Variants in MRPS6 observed in about 807,000 individuals in gnomAD.
The protein encoded by MRPS6 is mitochondrial ribosomal protein S6.
A neutral mutation model predicts 13.1 loss-of-function variants in MRPS6; 6 were observed. The ratio of observed to expected loss-of-function variants is 0.46; its 90% CI spans 0.25 to 0.91. MRPS6 has a LOEUF of 0.91. Among genes scored for constraint, MRPS6 ranks in the 40% least tolerant of loss-of-function variants. MRPS6 has a pLI of 0.18. For synonymous variants in MRPS6, 61 were observed against 56.5 expected (o/e 1.08, Z -0.36); for missense variants, 164 against 155.6 (o/e 1.05, Z -0.29).
intron 1 of MRPS6, among the ~76,000 whole-genome samples, chr21:34,109,945 T>C (rs996951439): frequency 3.3e-5 from 5 of 152,106 alleles, no homozygotes; most frequent in African/African-American, 9.7e-5. Flanking sequence ...GGTTTTCAGG[T>C]GGGAGCATAA....
chr21:34,105,129 T>TGGTATG (rs1331993497), intron 1 of MRPS6: 1 of 1,000,116 alleles, frequency 1.0e-6, no homozygotes, highest in Non-Finnish European at 1.2e-6. Flanking sequence ...TGTCAGATGA[T>TGGTATG]GGTATGGAAT....
At chr21:34,098,072 C>T (rs1360640516) in intron 1 of MRPS6, 1 of 999,044 alleles carries the variant, frequency 1.0e-6, no homozygotes, top group Non-Finnish European at 1.2e-6. Context: ...AGTTACATGT[C>T]ATGATTGTGT....
chr21:34,102,789 A>G, intron 1 of MRPS6: 1 of 1,000,142 alleles, frequency 1.0e-6, no homozygotes, highest in Non-Finnish European at 1.2e-6. Context: ...AAGCACTATA[A>G]CATAATTGTT....
intron 1 of MRPS6, among the ~76,000 whole-genome samples, chr21:34,086,811 CA>C (rs1052742003): frequency 0.17 from 48 of 278 alleles, 1 homozygote; most frequent in East Asian, 0.42. Flanking sequence ...ACTCTGAACT[CA>C]AGTTGTAATG....
chr21:34,100,414 C>G (rs2148661115), intron 1 of MRPS6: 1 of 1,000,184 alleles, frequency 1.0e-6, no homozygotes, highest in Non-Finnish European at 1.2e-6. Context: ...CCCAGCTATT[C>G]TTTCCTGGGG....
Position 34,142,812 on chromosome 21 carries a change from G to T in MRPS6, c.*212G>T. On this transcript the variant is annotated 3_prime_UTR_variant, in exon 3 of 3. Transcript: ENST00000399312. ...CTTCTCTGTAACCTGCAGTACCAGTGGATCGTTCTTGATTTTGTTTTCATT... is the reference window on the plus strand; with the variant it reads ...CTTCTCTGTAACCTGCAGTACCAGTTGATCGTTCTTGATTTTGTTTTCATT... 1 of 448,762 alleles carries T rather than the reference G, an allele frequency of 2.2e-6. No homozygotes were observed. The highest frequency in any genetic ancestry group is 2.0e-5 in the African/African-American group (1 of 49,500). 27.8% of individuals were successfully genotyped at this position (448,762 alleles called of 1,614,324 possible).
Position 34,098,364 on chromosome 21 carries a change from A to C in MRPS6, c.45+24619A>C, listed in dbSNP as rs879456962. ...AATTGACGCTGCCTTTGTGTGCTGGATTGCTCTACTTGATTAGATCATGAT... is the reference window on the plus strand; with the variant it reads ...AATTGACGCTGCCTTTGTGTGCTGGCTTGCTCTACTTGATTAGATCATGAT... On this transcript the variant is annotated intron_variant, in intron 1 of 2. Coordinates refer to ENST00000399312, the MANE Select transcript of MRPS6 (RefSeq NM_032476.4). 1.6e-5 allele frequency: 16 copies of C among 1,000,156 alleles called. No individual in the cohort carries two copies. In the South Asian group the frequency reaches 6.1e-4, roughly 38 times the overall value. 62.0% of individuals were successfully genotyped at this position (1,000,156 alleles called of 1,614,324 possible).
At chr21:34,106,790 G>C (rs976271372) in intron 1 of MRPS6, among the ~76,000 whole-genome samples, 3 of 152,326 alleles carry the variant, frequency 2.0e-5, no homozygotes, top group Middle Eastern at 6.8e-3. Flanking sequence ...AGACTATTCA[G>C]ATATTCCTGG....
chr21:34,135,841 TCCA>T (rs1263435250), intron 2 of MRPS6: 2 of 558,866 alleles, frequency 3.6e-6, no homozygotes, highest in African/African-American at 3.8e-5. Flanking sequence ...AGTGAGGGAC[TCCA>T]CAATGGGGCA....
At chr21:34,131,204 G>A (rs1980489464) in intron 2 of MRPS6, among the ~76,000 whole-genome samples, 2 of 152,214 alleles carry the variant, frequency 1.3e-5, no homozygotes, top group Non-Finnish European at 2.9e-5. Flanking sequence ...CTAGTCAGTT[G>A]CAATGTAGTC....
intron 1 of MRPS6, among the ~76,000 whole-genome samples, chr21:34,083,606 T>G (rs1323932042): frequency 1.3e-5 from 2 of 152,248 alleles, no homozygotes; most frequent in African/African-American, 4.8e-5. Context: ...TCTGTTGGTG[T>G]ACTGCTTGCC....
rs374799113 is a variant in MRPS6 at position 34,142,613 on chromosome 21, G to T, written c.*13G>T. 8 of 1,587,496 alleles carry T rather than the reference G, an allele frequency of 5.0e-6. No individual in the cohort carries two copies. The highest frequency in any genetic ancestry group is 6.8e-6 in the Non-Finnish European group (8 of 1,169,722). Reference sequence around the variant, plus strand: ...GAGGAAGAAGTGAGAAGATTCGCCAGATTTTAGCCTTATATGTAATTCCTT... The same window carrying T: ...GAGGAAGAAGTGAGAAGATTCGCCATATTTTAGCCTTATATGTAATTCCTT... On this transcript the variant is annotated 3_prime_UTR_variant, in exon 3 of 3. Transcript: ENST00000399312.
intron 1 of MRPS6, among the ~76,000 whole-genome samples, chr21:34,076,392 T>G (rs1989331475): frequency 6.6e-6 from 1 of 152,202 alleles, no homozygotes; most frequent in African/African-American, 2.4e-5. Flanking sequence ...CAAAGTCAGT[T>G]GCGGGAATGC....
At chr21:34,077,346 A>G (rs1989357455) in intron 1 of MRPS6, among the ~76,000 whole-genome samples, 1 of 152,204 alleles carries the variant, frequency 6.6e-6, no homozygotes, top group African/African-American at 2.4e-5. Flanking sequence ...AATCTGTGCA[A>G]TACATAAGTA....
chr21:34,091,232 TTTAAGA>T (rs1319415670), intron 1 of MRPS6, among the ~76,000 whole-genome samples: 1 of 135,106 alleles, frequency 7.4e-6, no homozygotes, highest in African/African-American at 2.8e-5. Context: ...TTTGGTCACG[TTTAAGA>T]TTATTGCGTA....
intron 2 of MRPS6, among the ~76,000 whole-genome samples, chr21:34,131,117 A>G (rs16991273): frequency 0.064 from 9,684 of 152,216 alleles, 1,039 homozygotes; most frequent in African/African-American, 0.22. Flanking sequence ...TTCAATCACC[A>G]AGAGTAGAAG....
intron 2 of MRPS6, among the ~76,000 whole-genome samples, chr21:34,133,278 T>C (rs1056987484): frequency 3.3e-5 from 5 of 152,224 alleles, no homozygotes. Flanking sequence ...TATCACATCA[T>C]AGAATCCAAA....
In MRPS6 at chr21:34,135,346, GTTTTT is replaced by G. The variant is rs747809642; in HGVS notation, c.186-7040_186-7036del. Reference sequence around the variant, plus strand: ...ATACCAGCAATGTATATGAGAGCCGGTTTTTTTTTTTTTTTTTTTTTTTTTTGTGG... The same window carrying G: ...ATACCAGCAATGTATATGAGAGCCGGTTTTTTTTTTTTTTTTTTTTTGTGG... On this transcript the variant is annotated intron_variant, in intron 2 of 2. Coordinates refer to ENST00000399312, the MANE Select transcript of MRPS6 (RefSeq NM_032476.4). 1.2e-3 allele frequency: 177 copies of G among 147,102 alleles called. 1 individual carries two copies. Among genetic ancestry groups the G allele is most frequent in the African/African-American group, 5.0e-3 (132 of 26,320 alleles). The allele number at this position is 147,102 out of a possible 1,614,324, so 9.1% of individuals were successfully genotyped here.
intron 1 of MRPS6, among the ~76,000 whole-genome samples, chr21:34,089,909 C>T (rs1478807122): frequency 6.6e-6 from 1 of 152,210 alleles, no homozygotes; most frequent in Non-Finnish European, 1.5e-5. Context: ...ATGGTTAAAA[C>T]ATTACGGTAC....
Sources: gnomAD v4.1 joint callset for allele counts (sites outside exome capture counted in the v4.1 genomes callset) on GRCh38, gnomAD v4.1.1 for gene constraint, MANE v1.5 for transcripts, NCBI Gene and HGNC (gene_info 2026-07-23, HGNC 2026-07-21) for gene names.